NRXN1: variants seen among roughly 807,000 people sequenced by gnomAD.
The protein encoded by NRXN1 is neurexin 1, also known as neurexin-1.
In NRXN1, 39 loss-of-function variants were observed where a neutral mutation model predicts 150.9. The ratio of observed to expected loss-of-function variants is 0.26; its 90% CI spans 0.20 to 0.34. The LOEUF is 0.34. Among genes scored for constraint, NRXN1 ranks in the 10% least tolerant of loss-of-function variants. NRXN1 has a pLI of 1.00. For synonymous variants in NRXN1, 924 were observed against 757.0 expected, an observed-to-expected ratio of 1.22 and a Z score of -3.62; for missense variants, 1,815 against 1,949.9, an observed-to-expected ratio of 0.93 and a Z score of 1.30.
chr2:50,939,103 T>A (rs1408155141), intron 2 of NRXN1, among the ~76,000 whole-genome samples: 1 of 146,734 alleles, frequency 6.8e-6, no homozygotes, highest in Non-Finnish European at 1.5e-5. Flanking sequence ...CCCAGCTACC[T>A]GGGAGGCTGA....
chr2:50,453,768 G>A (rs921279613), intron 17 of NRXN1, among the ~76,000 whole-genome samples: 1 of 152,138 alleles, frequency 6.6e-6, no homozygotes, highest in African/African-American at 2.4e-5. Context: ...GACACTGGAG[G>A]ACTAAAGCAG....
At chr2:50,183,533 A>AT (rs1198006386) in intron 18 of NRXN1, among the ~76,000 whole-genome samples, 4 of 151,818 alleles carry the variant, frequency 2.6e-5, no homozygotes, top group African/African-American at 4.8e-5. Flanking sequence ...TTGTAAAAAA[A>AT]ATATATATTT....
rs1376772843 is a variant in NRXN1, at chr2:50,921,894, G to C, written c.821-14C>G. 7.2e-7 allele frequency: 1 copy of C among 1,396,858 alleles called. No homozygotes were observed. The highest frequency in any genetic ancestry group is 9.6e-7 in the Non-Finnish European group (1 of 1,045,124). 86.5% of individuals were successfully genotyped at this position (1,396,858 alleles called of 1,614,324 possible). On this transcript the variant is annotated splice_polypyrimidine_tract_variant and intron_variant, in intron 4 of 22. Coordinates refer to ENST00000401669, the MANE Select transcript of NRXN1 (RefSeq NM_001330078.2). ...CTTTACTTTTACCTATGGATTTGAT[G>C]AAATGGGTCCATGAAGAAAGGGTTT... is the stretch of plus-strand genomic sequence containing the variant.
chr2:50,495,318 T>C (rs1338709551), intron 15 of NRXN1, among the ~76,000 whole-genome samples: 1 of 150,996 alleles, frequency 6.6e-6, no homozygotes, highest in Admixed American at 6.6e-5. Flanking sequence ...GTTAAGACTT[T>C]CTTAGCAGCT....
At chr2:50,575,389 G>C (rs1028169084) in intron 8 of NRXN1, among the ~76,000 whole-genome samples, 3 of 152,136 alleles carry the variant, frequency 2.0e-5, no homozygotes, top group Non-Finnish European at 2.9e-5. Context: ...ATATGGGCTA[G>C]CAGTAGGCCC....
intron 17 of NRXN1, among the ~76,000 whole-genome samples, chr2:50,373,802 A>G (rs1226850206): frequency 6.6e-6 from 1 of 152,046 alleles, no homozygotes; most frequent in South Asian, 2.1e-4. Flanking sequence ...TATTAAAATC[A>G]TTTGCAGGTC....
In NRXN1 at chr2:49,982,283, G is replaced by C. The variant is rs565752116; in HGVS notation, c.4129-38492C>G. 1.4e-4 allele frequency among the ~76,000 whole-genome samples: 22 copies of C among 152,214 alleles called. No homozygotes were observed. In the East Asian group the frequency reaches 4.2e-3, roughly 29 times the overall value. ...TCAATTTGGGCCTTGAATGATGGTA[G>C]AGTTAATTATTTTGGCAAAGGCATT... On this transcript the variant is annotated intron_variant, in intron 21 of 22. Transcript: ENST00000401669.
At chr2:50,010,163 C>T (rs145840174) in intron 21 of NRXN1, among the ~76,000 whole-genome samples, 1 of 150,134 alleles carries the variant, frequency 6.7e-6, no homozygotes, top group African/African-American at 2.5e-5. Flanking sequence ...AAAAAAAAGT[C>T]AAATTTATAA....
At chr2:50,070,384 T>G (rs944872528) in intron 19 of NRXN1, among the ~76,000 whole-genome samples, 6 of 152,172 alleles carry the variant, frequency 3.9e-5, no homozygotes, top group Admixed American at 3.9e-4. Context: ...ACACCTGTGA[T>G]CATGGGATCA....
At chr2:50,220,743 A>AT (rs1260310868) in intron 18 of NRXN1, among the ~76,000 whole-genome samples, 9 of 151,812 alleles carry the variant, frequency 5.9e-5, no homozygotes, top group Admixed American at 1.3e-4. Context: ...TGTATATCAG[A>AT]TTTTTTTTCC....
chr2:50,805,594 C>T (rs979626876), intron 5 of NRXN1, among the ~76,000 whole-genome samples: 22 of 152,054 alleles, frequency 1.4e-4, no homozygotes, highest in Non-Finnish European at 2.9e-4. Context: ...GAGCCAAGAT[C>T]ACGCCACCAC....
Position 50,025,700 on chromosome 2 carries a change from G to A in NRXN1, c.4128+27571C>T, listed in dbSNP as rs555045837. 8.5e-5 allele frequency among the ~76,000 whole-genome samples: 13 copies of A among 152,316 alleles called. No individual in the cohort carries two copies. The South Asian group carries it at 2.7e-3, about 32-fold the overall frequency. ...CTTAAGCATCTATAGTGCCAGGAAT[G>A]TTGCATGCATCATCTGTCATAATTT... is the stretch of plus-strand genomic sequence containing the variant. On this transcript the variant is annotated intron_variant, in intron 21 of 22. Transcript: ENST00000401669.
At chr2:49,966,161 G>C (rs751526555) in intron 21 of NRXN1, among the ~76,000 whole-genome samples, 1 of 152,158 alleles carries the variant, frequency 6.6e-6, no homozygotes, top group Non-Finnish European at 1.5e-5. Context: ...AACACAAGGG[G>C]AACGAGCAGT....
chr2:50,736,572 T>C (rs1426717224), intron 5 of NRXN1, among the ~76,000 whole-genome samples: 1 of 152,148 alleles, frequency 6.6e-6, no homozygotes, highest in African/African-American at 2.4e-5. Context: ...GTTTCCACCA[T>C]GGAAACTGGT....
At chr2:50,402,393 A>C (rs533049124) in intron 17 of NRXN1, among the ~76,000 whole-genome samples, 1 of 152,228 alleles carries the variant, frequency 6.6e-6, no homozygotes, top group South Asian at 2.1e-4. Context: ...GCTTCAATGT[A>C]AAGTATGTTG....
At chr2:50,844,561 G>A (rs1387701912) in intron 5 of NRXN1, among the ~76,000 whole-genome samples, 1 of 152,172 alleles carries the variant, frequency 6.6e-6, no homozygotes, top group East Asian at 1.9e-4. Flanking sequence ...GCAGCCTTTT[G>A]ACATCATCCA....
At chr2:50,739,154 A>T (rs1191257275) in intron 5 of NRXN1, 3 of 329,622 alleles carry the variant, frequency 9.1e-6, no homozygotes, top group South Asian at 2.5e-5. Context: ...ACAAATCTGT[A>T]GATGTCAAAA....
At chr2:50,019,096 CAAAACA>C in intron 21 of NRXN1, 1 of 303,888 alleles carries the variant, frequency 3.3e-6, no homozygotes, top group South Asian at 2.4e-5. Flanking sequence ...CAAATCCTTC[CAAAACA>C]TTACCTCATC....
At chr2:50,691,796 T>G (rs1334106466) in intron 5 of NRXN1, among the ~76,000 whole-genome samples, 1 of 152,088 alleles carries the variant, frequency 6.6e-6, no homozygotes, top group African/African-American at 2.4e-5. Flanking sequence ...CGGGGATGCT[T>G]CCATAGAAAA....
Sources: allele counts gnomAD v4.1 joint callset (sites outside exome capture counted in the v4.1 genomes callset), GRCh38; gene constraint gnomAD v4.1.1; transcripts MANE v1.5; gene names NCBI Gene and HGNC (gene_info 2026-07-23, HGNC 2026-07-21).